KIF26B: variants seen among roughly 807,000 people sequenced by gnomAD.
The protein encoded by KIF26B is kinesin family member 26B, also known as kinesin-like protein KIF26B.
In KIF26B, 63 loss-of-function variants were observed where a neutral mutation model predicts 151.2. The observed-to-expected ratio is 0.42, with a 90% CI of 0.34 to 0.51. The LOEUF (loss-of-function observed/expected upper bound fraction) is 0.51, where lower values mean the gene tolerates loss of function less well. Among genes scored for constraint, KIF26B ranks in the 20% least tolerant of loss-of-function variants. The probability of loss-of-function intolerance (pLI) is 0.07; values close to 1 mark genes in which losing one functional copy is unlikely to be tolerated. For synonymous variants in KIF26B, 1,357 were observed against 1,262.1 expected (o/e 1.08, Z -1.59); for missense variants, 2,813 against 2,913.6 (o/e 0.97, Z 0.79).
At chr1:245,644,894 C>A (rs2043930377) in intron 9 of KIF26B, among the ~76,000 whole-genome samples, 1 of 152,186 alleles carries the variant, frequency 6.6e-6, no homozygotes, top group Non-Finnish European at 1.5e-5. Flanking sequence ...CACAGTTCTG[C>A]AAGCTATACA....
In KIF26B at chr1:245,697,145, C is replaced by G. The variant is rs144979714; in HGVS notation, c.5825-961C>G. Among the ~76,000 whole-genome samples, 561 of 152,248 alleles carry G rather than the reference C, an allele frequency of 3.7e-3. 7 individuals are homozygous for G. The highest frequency in any genetic ancestry group is 0.013 in the African/African-American group (541 of 41,540). ...GAGGTTTAATATGAAGCAAAAGGAG[C>G]TCGGAGCCCAGAGTTCACTCCATAG... On this transcript the variant is annotated intron_variant, in intron 12 of 14. Transcript: ENST00000407071.
chr1:245,427,150 C>A (rs972330061), intron 4 of KIF26B, among the ~76,000 whole-genome samples: 4 of 152,164 alleles, frequency 2.6e-5, no homozygotes, highest in African/African-American at 9.7e-5. Flanking sequence ...CACAATTGGT[C>A]TCAGGTGATC....
rs1403161658 is a variant in KIF26B, at chr1:245,316,092, A to G, written c.466-50742A>G. Among the ~76,000 whole-genome samples the G allele has an allele frequency of 2.0e-5, 3 of 152,092 alleles. No homozygotes were observed. In the East Asian group the frequency reaches 5.8e-4, roughly 29 times the overall value. The stretch of plus-strand genomic sequence containing the variant: ...AGGCTTAGTGGATGACCGCACTGCA[A>G]GGAAAATTGCTGAGACTGAGTCATG... On this transcript the variant is annotated intron_variant, in intron 2 of 14. Transcript: ENST00000407071.
At chr1:245,226,229 C>G (rs1360124883) in intron 2 of KIF26B, 1 of 152,192 alleles carries the variant, frequency 6.6e-6, no homozygotes, top group Non-Finnish European at 1.5e-5. Context: ...CCTAAAGTCC[C>G]CTGATCGTGA....
At chr1:245,190,484 G>A (rs141928590) in intron 2 of KIF26B, among the ~76,000 whole-genome samples, 3 of 152,158 alleles carry the variant, frequency 2.0e-5, no homozygotes, top group East Asian at 3.9e-4. Flanking sequence ...AAGCAGTCAC[G>A]GCACTGCACT....
chr1:245,265,648 C>T (rs1345213989), intron 2 of KIF26B, among the ~76,000 whole-genome samples: 1 of 149,600 alleles, frequency 6.7e-6, no homozygotes, highest in African/African-American at 2.5e-5. Flanking sequence ...AGTGTAGTGG[C>T]GTGATCAGCG....
intron 5 of KIF26B, among the ~76,000 whole-genome samples, chr1:245,567,613 CAG>C (rs1372080961): frequency 1.3e-5 from 2 of 152,162 alleles, no homozygotes; most frequent in Non-Finnish European, 2.9e-5. Flanking sequence ...ACAGGCCTTA[CAG>C]AGAGGTTCAC....
At position 245,685,831 on chromosome 1, in the gene KIF26B, C is replaced by A. The variant is rs1368504412; in HGVS notation, c.2848C>A (p.Leu950Met). 1.9e-6 allele frequency: 3 copies of A among 1,611,736 alleles called. No individual in the cohort carries two copies. Among genetic ancestry groups the A allele is most frequent in the Non-Finnish European group, 2.5e-6 (3 of 1,179,114 alleles). ...GCCCAGCAGCTTTCCTTTCGAAGAA[C>A]TGCCTGCTCAGTTTGGGCCAGAGCA... Reference protein sequence around the residue: ...EEPSSFPFEELPAQFGPEQAS... With the variant: ...EEPSSFPFEEMPAQFGPEQAS... The change falls in exon 12 of 15, where the codon CTG becomes ATG. Residue 950 changes from leucine to methionine, a missense_variant. Physicochemically the swap from Leu to Met is conservative, Grantham distance 15. This residue lies in a region of KIF26B where 2,060 missense variants were observed against 2,088.6 expected (regional missense o/e 0.99). Transcript: ENST00000407071.
chr1:245,168,270 G>A (rs1480253220), intron 2 of KIF26B, among the ~76,000 whole-genome samples: 1 of 152,218 alleles, frequency 6.6e-6, no homozygotes, highest in Non-Finnish European at 1.5e-5. Context: ...TGCAGCCGCC[G>A]CAGCGACCTC....
intron 2 of KIF26B, among the ~76,000 whole-genome samples, chr1:245,360,782 T>A (rs2103005929): frequency 6.6e-6 from 1 of 152,158 alleles, no homozygotes; most frequent in East Asian, 1.9e-4. Context: ...GAGGCTGAGG[T>A]GGGCAGATCA....
At chr1:245,446,165 T>C (rs1448889066) in intron 4 of KIF26B, among the ~76,000 whole-genome samples, 4 of 152,216 alleles carry the variant, frequency 2.6e-5, no homozygotes, top group African/African-American at 9.6e-5. Flanking sequence ...ATAAACAGTA[T>C]AGCATGTTAC....
intron 2 of KIF26B, among the ~76,000 whole-genome samples, chr1:245,238,862 AAAAAC>A (rs149838454): frequency 0.069 from 10,499 of 151,972 alleles, 788 homozygotes; most frequent in African/African-American, 0.19. Flanking sequence ...AACTGTCTCA[AAAAAC>A]AAAACAAAAC....
chr1:245,366,012 A>G (rs1396423566), intron 2 of KIF26B, among the ~76,000 whole-genome samples: 2 of 152,216 alleles, frequency 1.3e-5, no homozygotes, highest in African/African-American at 4.8e-5. Context: ...TTAGCACACA[A>G]TGCTGAGAAG....
chr1:245,266,535 G>A (rs1388024280), intron 2 of KIF26B, among the ~76,000 whole-genome samples: 1 of 150,772 alleles, frequency 6.6e-6, no homozygotes, highest in Non-Finnish European at 1.5e-5. Context: ...TTGAGATGGA[G>A]TCTCATTCTG....
intron 3 of KIF26B, among the ~76,000 whole-genome samples, chr1:245,401,906 A>C (rs79966266): frequency 0.01 from 1,548 of 152,038 alleles, 24 homozygotes; most frequent in African/African-American, 0.035. Flanking sequence ...CACACACACA[A>C]AAACACCACC....
At chr1:245,506,072 T>G (rs1275812236) in intron 4 of KIF26B, among the ~76,000 whole-genome samples, 1 of 152,250 alleles carries the variant, frequency 6.6e-6, no homozygotes, top group African/African-American at 2.4e-5. Flanking sequence ...CATCAAGTAT[T>G]TCCATCGAAT....
At chr1:245,294,115 C>T (rs553674382) in intron 2 of KIF26B, among the ~76,000 whole-genome samples, 6 of 152,214 alleles carry the variant, frequency 3.9e-5, no homozygotes, top group South Asian at 4.2e-4. Context: ...GCTGTGTACA[C>T]GGAGTCTATG....
intron 5 of KIF26B, among the ~76,000 whole-genome samples, chr1:245,584,936 T>A (rs958694521): frequency 6.6e-6 from 1 of 152,206 alleles, no homozygotes; most frequent in African/African-American, 2.4e-5. Context: ...TTTCTTTAGT[T>A]ACTAGAATCT....
chr1:245,404,806 G>A (rs1402827421), intron 3 of KIF26B, among the ~76,000 whole-genome samples: 2 of 152,180 alleles, frequency 1.3e-5, no homozygotes, highest in African/African-American at 2.4e-5. Context: ...GCAGAGAGCA[G>A]GGAAGTGATG....
Sources: allele counts gnomAD v4.1 joint callset (sites outside exome capture counted in the v4.1 genomes callset), GRCh38; gene constraint gnomAD v4.1.1; regional missense constraint gnomAD v4.1.1; transcripts MANE v1.5; gene names NCBI Gene and HGNC (gene_info 2026-07-23, HGNC 2026-07-21).